CDH10: variants seen among roughly 807,000 people sequenced by gnomAD.
CDH10 encodes cadherin 10, also known as cadherin-10.
A neutral mutation model predicts 73.1 loss-of-function variants in CDH10; 30 were observed. That is an observed-to-expected ratio of 0.41 (90% CI 0.31 to 0.56). The LOEUF (loss-of-function observed/expected upper bound fraction) is 0.56, where lower values mean the gene tolerates loss of function less well. CDH10 is among the 20% of genes least tolerant of loss of function. The probability of loss-of-function intolerance (pLI) is 0.27; values close to 1 mark genes in which losing one functional copy is unlikely to be tolerated. For synonymous variants in CDH10, 345 were observed against 348.2 expected (o/e 0.99, Z 0.10); for missense variants, 815 against 973.7 (o/e 0.84, Z 2.17).
chr5:24,641,740 G>A (rs939325296), intron 1 of CDH10, among the ~76,000 whole-genome samples: 1 of 152,002 alleles, frequency 6.6e-6, no homozygotes, highest in African/African-American at 2.4e-5. Flanking sequence ...AGAAGGATGA[G>A]GAAATGTTTC....
At chr5:24,509,907 G>A (rs2111756117) in intron 6 of CDH10, 88 bp from the exon 7 acceptor site, 1 of 980,280 alleles carries the variant, frequency 1.0e-6, no homozygotes, top group East Asian at 2.4e-5. Context: ...TTAAGTTGTG[G>A]TTGAGTTCTC....
rs191205179 is a variant in CDH10 at position 24,566,268 on chromosome 5, G to A, written c.231+26992C>T. ...TCACCATGTTGGCCAGGCTGATCTC[G>A]AACTCCTGACCTCAAGTGATCCACC... On this transcript the variant is annotated intron_variant, in intron 2 of 11. Coordinates refer to ENST00000264463, the MANE Select transcript of CDH10 (RefSeq NM_006727.5). Among the ~76,000 whole-genome samples, 115 of 152,128 alleles carry A rather than the reference G, an allele frequency of 7.6e-4. 2 individuals are homozygous for A. The Middle Eastern group carries it at 0.014, about 18-fold the overall frequency.
intron 1 of CDH10, among the ~76,000 whole-genome samples, chr5:24,642,977 C>CA (rs35064864): frequency 0.17 from 25,150 of 144,284 alleles, 2,285 homozygotes; most frequent in South Asian, 0.27. Context: ...ATAACACAGC[C>CA]AAAAAAAAAA....
intron 1 of CDH10, among the ~76,000 whole-genome samples, chr5:24,608,395 C>T (rs1004323012): frequency 6.6e-6 from 1 of 152,046 alleles, no homozygotes; most frequent in Admixed American, 6.6e-5. Flanking sequence ...TGGGTTCAAG[C>T]GATTCTCCTG....
Position 24,593,580 on chromosome 5 carries a change from C to T in CDH10, c.-90G>A, listed in dbSNP as rs1217269634. 17 of 655,076 alleles carry T rather than the reference C, an allele frequency of 2.6e-5. No individual in the cohort carries two copies. The highest frequency in any genetic ancestry group is 4.0e-5 in the Non-Finnish European group (15 of 374,468). The allele number at this position is 655,076 out of a possible 1,614,324, so 40.6% of individuals were successfully genotyped here. A position where few individuals can be genotyped will look rare whatever the true frequency, so the allele number is the denominator to read the frequency against. On this transcript the variant is annotated 5_prime_UTR_variant, in exon 2 of 12. The change abolishes an upstream ATG in the 5' untranslated region. Transcript: ENST00000264463. ...TTACTGTGTTTCAACTGGTTTCCAA[C>T]ATTTCATCAATGTTTTGTTCATGTT... is the stretch of plus-strand genomic sequence containing the variant.
Position 24,613,522 on chromosome 5 carries a change from G to GAAA in CDH10, c.-123-19912_-123-19910dup, listed in dbSNP as rs34515702. 2.9e-3 allele frequency among the ~76,000 whole-genome samples: 353 copies of GAAA among 122,816 alleles called. 1 individual carries two copies. The highest frequency in any genetic ancestry group is 0.01 in the African/African-American group (332 of 32,444). 80.6% of individuals were successfully genotyped at this position (122,816 alleles called of 152,430 possible). On this transcript the variant is annotated intron_variant, in intron 1 of 11. Transcript: ENST00000264463. ...GGCTTGCAAGCATCCTCTTTGCTGG[G>GAAA]AAAAAAAAAAAAAAAAAAAGGAAAT...
intron 11 of CDH10, among the ~76,000 whole-genome samples, chr5:24,489,475 C>A (rs1741969571): frequency 6.6e-6 from 1 of 151,922 alleles, no homozygotes; most frequent in Non-Finnish European, 1.5e-5. Flanking sequence ...TTTATTTTGC[C>A]TAAATTCATA....
At chr5:24,598,293 C>T (rs995964551) in intron 1 of CDH10, among the ~76,000 whole-genome samples, 1 of 151,786 alleles carries the variant, frequency 6.6e-6, no homozygotes, top group African/African-American at 2.4e-5. Context: ...TACACATTAC[C>T]TACTGTGCTC....
At chr5:24,578,544 C>A in intron 2 of CDH10, 1 of 286,970 alleles carries the variant, frequency 3.5e-6, no homozygotes, top group Non-Finnish European at 7.1e-6. Context: ...GCTGGAAACT[C>A]CTGCTCTGCA....
At chr5:24,590,118 C>T (rs1746149096) in intron 2 of CDH10, among the ~76,000 whole-genome samples, 1 of 151,912 alleles carries the variant, frequency 6.6e-6, no homozygotes, top group Non-Finnish European at 1.5e-5. Context: ...ATGCATTTAA[C>T]AGAATGATTT....
At position 24,498,386 on chromosome 5, in the gene CDH10, G is replaced by T. The variant is rs758481430; in HGVS notation, c.1515+12C>A. The T allele has an allele frequency of 7.6e-6, 12 of 1,583,806 alleles. No individual in the cohort carries two copies. The highest frequency in any genetic ancestry group is 1.7e-5 in the Admixed American group (1 of 57,336). ...AAAATCTTTCCAGAGTTTTAATCCTGTAGGGGCTTACCTGCCCTGGTCTGG... is the reference window on the plus strand; with the variant it reads ...AAAATCTTTCCAGAGTTTTAATCCTTTAGGGGCTTACCTGCCCTGGTCTGG... On this transcript the variant is annotated intron_variant, in intron 9 of 11. Transcript: ENST00000264463.
At chr5:24,500,138 A>G (rs1260045845) in intron 8 of CDH10, among the ~76,000 whole-genome samples, 1 of 152,226 alleles carries the variant, frequency 6.6e-6, no homozygotes, top group Non-Finnish European at 1.5e-5. Flanking sequence ...TTTCAGATAC[A>G]AAGGTAAAAT....
intron 5 of CDH10, among the ~76,000 whole-genome samples, chr5:24,533,862 G>C (rs1195190639): frequency 6.6e-6 from 1 of 151,920 alleles, no homozygotes; most frequent in East Asian, 1.9e-4. Context: ...ATGAGTTCTG[G>C]AGCCCAGCAC....
chr5:24,587,858 G>C (rs1241728451), intron 2 of CDH10, among the ~76,000 whole-genome samples: 1 of 152,140 alleles, frequency 6.6e-6, no homozygotes. Context: ...ATGATATAGT[G>C]AGATTTGAAG....
chr5:24,556,405 A>G (rs576327296), intron 2 of CDH10, among the ~76,000 whole-genome samples: 2 of 152,184 alleles, frequency 1.3e-5, no homozygotes, highest in Admixed American at 1.3e-4. Context: ...TTGCTTTAAG[A>G]ATAATTGTGT....
At chr5:24,495,652 T>A (rs916267627) in intron 9 of CDH10, among the ~76,000 whole-genome samples, 26 of 151,930 alleles carry the variant, frequency 1.7e-4, no homozygotes, top group Non-Finnish European at 3.1e-4. Context: ...ATCGAGACCA[T>A]CCTGGCCAAC....
At chr5:24,544,173 A>G (rs1744254705) in intron 2 of CDH10, among the ~76,000 whole-genome samples, 1 of 152,108 alleles carries the variant, frequency 6.6e-6, no homozygotes, top group African/African-American at 2.4e-5. Context: ...GCATGTCTGT[A>G]GTCCCAGCTA....
intron 8 of CDH10, among the ~76,000 whole-genome samples, chr5:24,499,017 C>T (rs867488765): frequency 6.6e-6 from 1 of 151,894 alleles, no homozygotes; most frequent in African/African-American, 2.4e-5. Flanking sequence ...GCGGGTTGCC[C>T]GAAGAAATAG....
At chr5:24,615,172 C>T (rs1417259192) in intron 1 of CDH10, among the ~76,000 whole-genome samples, 2 of 152,194 alleles carry the variant, frequency 1.3e-5, no homozygotes, top group African/African-American at 2.4e-5. Context: ...GCACAATAGC[C>T]TCCATTCATT....
Sources: gnomAD v4.1 joint callset for allele counts (sites outside exome capture counted in the v4.1 genomes callset) on GRCh38, gnomAD v4.1.1 for gene constraint, MANE v1.5 for transcripts, NCBI Gene and HGNC (gene_info 2026-07-23, HGNC 2026-07-21) for gene names.